Variants in RAB9A observed in about 807,000 individuals in gnomAD.
RAB9A encodes RAB9A, member RAS oncogene family.
RAB9A carries 1 observed loss-of-function variant against 10.3 expected under a neutral mutation model. The observed-to-expected ratio is 0.10, with a 90% CI of 0.03 to 0.46. RAB9A has a LOEUF of 0.46. Among genes scored for constraint, RAB9A ranks in the 20% least tolerant of loss-of-function variants. The pLI, the probability that RAB9A is intolerant of heterozygous loss-of-function variation, is 0.96. For missense variants in RAB9A, 92 were observed against 150.3 expected, an observed-to-expected ratio of 0.61 and a Z score of 2.03; for synonymous variants, 39 against 55.2, an observed-to-expected ratio of 0.71 and a Z score of 1.30.
chrX:13,691,493 C>T (rs2046123015), intron 1 of RAB9A, among the ~76,000 whole-genome samples: 1 of 109,504 alleles, frequency 9.1e-6, no homozygotes, highest in Non-Finnish European at 1.9e-5. Context: ...AACTCCGTTT[C>T]TACTAAAAAT....
At chrX:13,704,640 A>C (rs1215410648) in intron 2 of RAB9A, among the ~76,000 whole-genome samples, 2 of 102,789 alleles carry the variant, frequency 1.9e-5, no homozygotes, top group African/African-American at 7.2e-5. Context: ...TTTTAGATAG[A>C]GTCTAGCTCT....
intron 2 of RAB9A, among the ~76,000 whole-genome samples, chrX:13,704,334 G>T (rs1454754295): frequency 8.9e-6 from 1 of 111,949 alleles, no homozygotes; most frequent in East Asian, 2.8e-4. Context: ...TTTGAAAAAT[G>T]CAATGATTAA....
At chrX:13,703,487 T>C (rs1274725535) in intron 1 of RAB9A, among the ~76,000 whole-genome samples, 1 of 112,399 alleles carries the variant, frequency 8.9e-6, no homozygotes, top group East Asian at 2.8e-4. Flanking sequence ...ATTGATTGAA[T>C]TTATAAGTTA....
chrX:13,696,304 C>A, intron 1 of RAB9A, among the ~76,000 whole-genome samples: 1 of 108,396 alleles, frequency 9.2e-6, no homozygotes, highest in African/African-American at 3.4e-5. Flanking sequence ...CACCTGTAGT[C>A]CCAGCTACTC....
chrX:13,708,502 A>G (rs2046208009), intron 2 of RAB9A, among the ~76,000 whole-genome samples: 1 of 111,010 alleles, frequency 9.0e-6, no homozygotes, highest in African/African-American at 3.3e-5. Flanking sequence ...GTCAACTGTG[A>G]CCTGAGAAAA....
intron 1 of RAB9A, among the ~76,000 whole-genome samples, chrX:13,701,170 A>AC (rs200135939): frequency 2.9e-4 from 31 of 106,096 alleles, no homozygotes; most frequent in East Asian, 2.4e-3. Context: ...TATTTTTATT[A>AC]CCCCCCCAAA....
Position 13,708,955 on chromosome X carries a change from G to A in RAB9A, c.209G>A (p.Arg70Gln), listed in dbSNP as rs1182419165. Residue 70 changes from arginine to glutamine, a missense_variant, in exon 3 of 3, where the codon CGA (arginine) becomes CAA (glutamine). Coordinates refer to ENST00000464506, the MANE Select transcript of RAB9A (RefSeq NM_004251.5). ...GACACGGCAGGTCAGGAGCGATTCC[G>A]AAGCCTGAGGACACCATTTTACAGA... ...IWDTAGQERF[R>Q]SLRTPFYRGS... 2 of 1,211,528 alleles carry A rather than the reference G, an allele frequency of 1.7e-6. No individual in the cohort carries two copies. Among genetic ancestry groups the A allele is most frequent in the Non-Finnish European group, 2.2e-6 (2 of 895,476 alleles).
chrX:13,707,372 A>G (rs1270061176), intron 2 of RAB9A, among the ~76,000 whole-genome samples: 1 of 112,374 alleles, frequency 8.9e-6, no homozygotes, highest in African/African-American at 3.2e-5. Context: ...GGAGGAAACA[A>G]GATTTGCCAT....
At chrX:13,689,448 C>T (rs1363677806) in intron 1 of RAB9A, among the ~76,000 whole-genome samples, 160 bp downstream of exon 1, 2 of 112,186 alleles carry the variant, frequency 1.8e-5, no homozygotes, top group Non-Finnish European at 1.9e-5. Flanking sequence ...CTGGTTGTCT[C>T]CCTGCCTCCT....
intron 1 of RAB9A, among the ~76,000 whole-genome samples, chrX:13,696,828 G>A (rs1451388775): frequency 8.9e-6 from 1 of 111,778 alleles, no homozygotes; most frequent in East Asian, 2.8e-4. Flanking sequence ...GGCTTGGAAA[G>A]CTTTTTGTGA....
chrX:13,706,487 G>A (rs945685281), intron 2 of RAB9A, among the ~76,000 whole-genome samples: 1 of 110,980 alleles, frequency 9.0e-6, no homozygotes, highest in Non-Finnish European at 1.9e-5. Flanking sequence ...CGCCTCCCAG[G>A]TTCAAGGGAT....
intron 2 of RAB9A, 41 bp from the exon 3 acceptor site, chrX:13,708,680 G>A: frequency 2.8e-6 from 3 of 1,071,975 alleles, no homozygotes; most frequent in Non-Finnish European, 3.7e-6. Context: ...AGAAGAATGT[G>A]TAGGTATAAA....
chrX:13,704,162 T>C (rs2046187156), intron 2 of RAB9A, among the ~76,000 whole-genome samples: 1 of 112,073 alleles, frequency 8.9e-6, no homozygotes, highest in African/African-American at 3.2e-5. Context: ...CCCTTTTGTG[T>C]TATCTTTATT....
intron 1 of RAB9A, among the ~76,000 whole-genome samples, chrX:13,697,720 A>G (rs186587932): frequency 1.5e-3 from 166 of 112,216 alleles, no homozygotes; most frequent in African/African-American, 5.1e-3. Flanking sequence ...CACACATAAC[A>G]TACAAATGAT....
chrX:13,703,946 T>C (rs1471929889), intron 2 of RAB9A, 44 bp downstream of exon 2: 1 of 112,193 alleles, frequency 8.9e-6, no homozygotes, highest in Non-Finnish European at 1.9e-5. Context: ...CTTCAGGATG[T>C]TAAATTGCTC....
chrX:13,704,828 C>T (rs774015708), intron 2 of RAB9A, among the ~76,000 whole-genome samples: 1 of 111,112 alleles, frequency 9.0e-6, no homozygotes, highest in East Asian at 2.8e-4. Flanking sequence ...CCATGTTGGC[C>T]AGGCTGGTCT....
chrX:13,702,153 C>T lies in RAB9A; in HGVS notation c.-115-1661C>T, dbSNP rs189007428. ...AGCATACTCTTCACTCTCTAGCCTC[C>T]GGGTGCTCAGGCCTACCTTGAGTTC... is the stretch of plus-strand genomic sequence containing the variant. On this transcript the variant is annotated intron_variant, in intron 1 of 2. Transcript: ENST00000464506. 3.6e-3 allele frequency among the ~76,000 whole-genome samples: 401 copies of T among 111,810 alleles called. 4 individuals carry two copies. The highest frequency in any genetic ancestry group is 5.1e-3 in the Non-Finnish European group (270 of 53,102).
At chrX:13,698,391 G>A (rs2046158350) in intron 1 of RAB9A, among the ~76,000 whole-genome samples, 1 of 109,818 alleles carries the variant, frequency 9.1e-6, no homozygotes, top group Non-Finnish European at 1.9e-5. Context: ...TAGGGGAGGT[G>A]CTCTGACATA....
intron 1 of RAB9A, among the ~76,000 whole-genome samples, chrX:13,690,282 T>C (rs1446014412): frequency 8.9e-6 from 1 of 112,369 alleles, no homozygotes; most frequent in Non-Finnish European, 1.9e-5. Context: ...TAGTTTTTCC[T>C]TTAGAAGATT....
Sources: gnomAD v4.1 joint callset for allele counts (sites outside exome capture counted in the v4.1 genomes callset) on GRCh38, gnomAD v4.1.1 for gene constraint, MANE v1.5 for transcripts, NCBI Gene and HGNC (gene_info 2026-07-23, HGNC 2026-07-21) for gene names.